AOPEP: variants seen among roughly 807,000 people sequenced by gnomAD.
The protein encoded by AOPEP is aminopeptidase O (putative).
In AOPEP, 77 loss-of-function variants were observed where a neutral mutation model predicts 98.1. That is an observed-to-expected ratio of 0.78 (90% confidence interval 0.65 to 0.95). The LOEUF (loss-of-function observed/expected upper bound fraction) is 0.95. AOPEP is among the 40% of genes least tolerant of loss of function. The pLI, the probability that AOPEP is intolerant of heterozygous loss-of-function variation, is 0.00. For synonymous variants in AOPEP, 346 were observed against 365.3 expected (o/e 0.95, Z 0.60); for missense variants, 1,024 against 1,024.7 (o/e 1.00, Z 0.01).
intron 6 of AOPEP, among the ~76,000 whole-genome samples, chr9:94,925,042 A>C (rs923091847): frequency 3.3e-5 from 5 of 152,182 alleles, no homozygotes; most frequent in African/African-American, 1.2e-4. Flanking sequence ...CCCAGGCTGG[A>C]GTGCAGTGGC....
intron 14 of AOPEP, among the ~76,000 whole-genome samples, chr9:95,079,980 TCAG>T (rs1315896566): frequency 6.6e-6 from 1 of 152,176 alleles, no homozygotes; most frequent in East Asian, 1.9e-4. Flanking sequence ...TTGTTACAAA[TCAG>T]CAGCACTGAG....
chr9:94,960,856 C>CA (rs2058772491), intron 9 of AOPEP, among the ~76,000 whole-genome samples: 1 of 151,728 alleles, frequency 6.6e-6, no homozygotes, highest in South Asian at 2.1e-4. Context: ...ACTAAAAATA[C>CA]AAAAAATTAG....
intron 1 of AOPEP, among the ~76,000 whole-genome samples, chr9:94,749,724 A>G (rs1835270587): frequency 6.6e-6 from 1 of 152,170 alleles, no homozygotes; most frequent in Non-Finnish European, 1.5e-5. Context: ...CTTTTCAAAA[A>G]AGTAATTCCT....
intron 3 of AOPEP, among the ~76,000 whole-genome samples, chr9:94,779,327 TC>T (rs2133091410): frequency 6.6e-6 from 1 of 152,328 alleles, no homozygotes; most frequent in South Asian, 2.1e-4. Context: ...TAACTCCACC[TC>T]CCAAGATGCC....
In AOPEP at chr9:94,972,349, G is replaced by A. The variant is rs183042499; in HGVS notation, c.1916+4548G>A. On this transcript the variant is annotated intron_variant, in intron 10 of 16. Transcript: ENST00000375315. The surrounding 1 kb of genome is among the most constrained non-coding windows in gnomAD (Gnocchi z 4.2). ...TTGGAAGGCAGAAAGATGCTGTCAG[G>A]TAAAACTAAAAGGGCTCAGAAGAAA... 1.3e-5 allele frequency among the ~76,000 whole-genome samples: 2 copies of A among 152,224 alleles called. No individual in the cohort carries two copies. Among genetic ancestry groups the A allele is most frequent in the East Asian group, 3.9e-4 (2 of 5,154 alleles).
chr9:94,841,098 T>G (rs1294081077), intron 5 of AOPEP, among the ~76,000 whole-genome samples: 1 of 152,184 alleles, frequency 6.6e-6, no homozygotes, highest in African/African-American at 2.4e-5. Context: ...ATTTGAGACC[T>G]TTGTTCTATT....
In AOPEP at chr9:95,015,165, A is replaced by G. The variant is rs189237762; in HGVS notation, c.2115+9549A>G. ...AACACTTTACACATGTAGGCTGGAA[A>G]TTATGGTGGGAAATTGGATAATTGA... On this transcript the variant is annotated intron_variant, in intron 13 of 16. Transcript: ENST00000375315. Among the ~76,000 whole-genome samples, 29 of 152,362 alleles carry G rather than the reference A, an allele frequency of 1.9e-4. 1 individual carries two copies. In the East Asian group the frequency reaches 2.1e-3, roughly 11 times the overall value.
At position 94,760,042 on chromosome 9, in the gene AOPEP, G is replaced by A; in HGVS notation, c.259G>A (p.Ala87Thr). 6.2e-7 allele frequency: 1 copy of A among 1,614,204 alleles called. No homozygotes were observed. The highest frequency in any genetic ancestry group is 1.3e-5 in the African/African-American group (1 of 75,052). Reference protein sequence around the residue: ...PEPCHIPVTNARTFSSEMEYN... With the variant: ...PEPCHIPVTNTRTFSSEMEYN... Reference sequence around the variant, plus strand: ...ACCCTGCCATATTCCCGTGACAAATGCAAGGACCTTCTCATCTGAAATGGA... The same window carrying A: ...ACCCTGCCATATTCCCGTGACAAATACAAGGACCTTCTCATCTGAAATGGA... The change falls in exon 2 of 17, where the codon GCA becomes ACA. Residue 87 changes from alanine to threonine, a missense_variant. This residue lies in a region of AOPEP where 440 missense variants were observed against 433.8 expected (regional missense o/e 1.01). Coordinates refer to ENST00000375315, the MANE Select transcript of AOPEP (RefSeq NM_001193329.3).
intron 5 of AOPEP, among the ~76,000 whole-genome samples, chr9:94,854,588 CT>C (rs1341973502): frequency 4.6e-5 from 7 of 152,150 alleles, no homozygotes. Context: ...ATTTTTATTC[CT>C]TAGTCAAAGA....
intron 2 of AOPEP, among the ~76,000 whole-genome samples, chr9:94,765,795 A>G (rs1164651879): frequency 6.6e-6 from 1 of 152,148 alleles, no homozygotes; most frequent in Non-Finnish European, 1.5e-5. Context: ...TCTAATATGA[A>G]ATATCTGGAA....
chr9:94,732,636 G>A (rs1213383482), intron 1 of AOPEP, among the ~76,000 whole-genome samples: 4 of 152,176 alleles, frequency 2.6e-5, no homozygotes, highest in Admixed American at 1.3e-4. Context: ...ATTACCTCAA[G>A]AAAGAGTGAT....
intron 5 of AOPEP, among the ~76,000 whole-genome samples, chr9:94,901,786 A>G (rs1441866055): frequency 1.3e-5 from 2 of 152,096 alleles, no homozygotes; most frequent in African/African-American, 2.4e-5. Flanking sequence ...CTAAAAATAC[A>G]GAAAATTAGC....
At chr9:94,877,427 CTTTT>C (rs11299818) in intron 5 of AOPEP, among the ~76,000 whole-genome samples, 4 of 124,840 alleles carry the variant, frequency 3.2e-5, no homozygotes, top group Non-Finnish European at 3.5e-5. Flanking sequence ...TTTTTCTTTT[CTTTT>C]TTTTTTTTTT....
chr9:95,094,978 A>G, the AOPEP span, among the ~76,000 whole-genome samples: 2 of 152,206 alleles, frequency 1.3e-5, no homozygotes, highest in African/African-American at 4.8e-5. Flanking sequence ...ATACACACAG[A>G]CCACGTTTCC....
At chr9:94,928,338 C>T in intron 6 of AOPEP, 87 bp from the exon 7 acceptor site, 1 of 919,982 alleles carries the variant, frequency 1.1e-6, no homozygotes, top group Non-Finnish European at 1.7e-6. Flanking sequence ...ATCTTGTCCC[C>T]CATTGAAACA....
intron 5 of AOPEP, among the ~76,000 whole-genome samples, chr9:94,833,079 G>A (rs1317494535): frequency 6.6e-6 from 1 of 151,862 alleles, no homozygotes; most frequent in Non-Finnish European, 1.5e-5. Context: ...GGGATTATAG[G>A]TGCGTGCCAC....
At chr9:94,833,252 T>C (rs1367896840) in intron 5 of AOPEP, among the ~76,000 whole-genome samples, 2 of 147,738 alleles carry the variant, frequency 1.4e-5, no homozygotes, top group East Asian at 4.0e-4. Context: ...TTTTTTTTTT[T>C]TTTTGAGATG....
chr9:94,795,249 A>G (rs1846660039), intron 4 of AOPEP, among the ~76,000 whole-genome samples: 1 of 152,128 alleles, frequency 6.6e-6, no homozygotes, highest in Non-Finnish European at 1.5e-5. Flanking sequence ...AACTGTATGT[A>G]ACATTAATGC....
At chr9:94,807,604 A>AT (rs1646412215) in intron 5 of AOPEP, among the ~76,000 whole-genome samples, 1 of 152,152 alleles carries the variant, frequency 6.6e-6, no homozygotes, top group Non-Finnish European at 1.5e-5. Context: ...CTTGCCACTT[A>AT]TTTCTTTACC....
Sources: allele counts gnomAD v4.1 joint callset (sites outside exome capture counted in the v4.1 genomes callset), GRCh38; gene constraint gnomAD v4.1.1; regional missense constraint gnomAD v4.1.1; non-coding constraint Gnocchi (gnomAD v3.1); transcripts MANE v1.5; gene names NCBI Gene and HGNC (gene_info 2026-07-23, HGNC 2026-07-21).